The following FLYWCH1 variants were observed in gnomAD, a reference collection of about 807,000 sequenced individuals.
The protein encoded by FLYWCH1 is FLYWCH-type zinc finger 1.
A neutral mutation model predicts 66.4 loss-of-function variants in FLYWCH1; 75 were observed. The ratio of observed to expected loss-of-function variants is 1.13; its 90% CI spans 0.94 to 1.37. FLYWCH1 has a LOEUF of 1.37. FLYWCH1 is among the 40% of genes most tolerant of loss of function. The pLI, the probability that FLYWCH1 is intolerant of heterozygous loss-of-function variation, is 0.00. For missense variants in FLYWCH1, 1,334 were observed against 1,001.8 expected (o/e 1.33, Z -4.48); for synonymous variants, 595 against 429.9 (o/e 1.38, Z -4.75).
At chr16:2,927,348 C>T (rs1018080282) in intron 2 of FLYWCH1, among the ~76,000 whole-genome samples, 1 of 152,154 alleles carries the variant, frequency 6.6e-6, no homozygotes, top group South Asian at 2.1e-4. Context: ...GGAAGGGGCT[C>T]CAGCAGGAGC....
chr16:2,934,359 T>G (rs1269049352), intron 6 of FLYWCH1, among the ~76,000 whole-genome samples: 4 of 152,196 alleles, frequency 2.6e-5, no homozygotes, highest in South Asian at 2.1e-4. Context: ...GGTTAAGGAT[T>G]GAGGAGGTGA....
Position 2,929,914 on chromosome 16 carries a change from G to A in FLYWCH1, c.229G>A (p.Ala77Thr), listed in dbSNP as rs371083797. ...SLEMAGPATL[A>T]STLQILPVEE... ...GGAGATGGCTGGCCCCGCCACCCTCGCCAGCACCTTGCAGATCCTGCCAGT... is the reference window on the plus strand; with the variant it reads ...GGAGATGGCTGGCCCCGCCACCCTCACCAGCACCTTGCAGATCCTGCCAGT... Residue 77 changes from alanine to threonine, a missense_variant, in exon 3 of 10, where the codon GCC becomes ACC. Transcript: ENST00000253928. 8.0e-5 allele frequency: 129 copies of A among 1,613,552 alleles called. No individual in the cohort carries two copies. Among genetic ancestry groups the A allele is most frequent in the Non-Finnish European group, 1.0e-4 (120 of 1,179,850 alleles).
intron 8 of FLYWCH1, 73 bp from the exon 9 acceptor site, chr16:2,939,957 GGT>G: frequency 1.3e-6 from 2 of 1,523,744 alleles, no homozygotes; most frequent in Non-Finnish European, 1.8e-6. Flanking sequence ...TCGTTAACAA[GGT>G]GTGTGTCCTT....
At chr16:2,945,773 A>G (rs771353101) in intron 9 of FLYWCH1, among the ~76,000 whole-genome samples, 16 of 152,182 alleles carry the variant, frequency 1.1e-4, no homozygotes, top group East Asian at 3.9e-4. Flanking sequence ...CAAGGTGGGC[A>G]GATCATGAGA....
At chr16:2,934,227 G>T (rs2070901586) in intron 6 of FLYWCH1, among the ~76,000 whole-genome samples, 1 of 152,142 alleles carries the variant, frequency 6.6e-6, no homozygotes, top group African/African-American at 2.4e-5. Flanking sequence ...CAGCAGCAGG[G>T]ATAGACCTCC....
Position 2,918,438 on chromosome 16 carries a change from C to T in FLYWCH1, c.-74+4149C>T, listed in dbSNP as rs533354284. On this transcript the variant is annotated intron_variant, in intron 2 of 9. Transcript: ENST00000253928. The stretch of plus-strand genomic sequence containing the variant: ...CTGGGATTACAGGCGTGAGCCACCG[C>T]GCCAGGCTTTTTTTTTTTTGAGAGG... 9.8e-4 allele frequency among the ~76,000 whole-genome samples: 145 copies of T among 148,664 alleles called. 1 individual carries two copies. Among genetic ancestry groups the T allele is most frequent in the African/African-American group, 3.4e-3 (135 of 40,234 alleles).
intron 6 of FLYWCH1, chr16:2,936,259 T>C (rs766785239): frequency 2.6e-6 from 1 of 383,952 alleles, no homozygotes; most frequent in Non-Finnish European, 5.2e-6. Context: ...GCGTGCCCCA[T>C]GGTCACACCA....
rs754123279 is a variant in FLYWCH1, at chr16:2,929,786, G to A, written c.101G>A (p.Arg34Lys). ...PGTDVIPAAP[R>K]KPREFSKLVL... ...ACGGACGTCATCCCGGCAGCCCCCA[G>A]GAAGCCCAGGGAGTTCTCCAAACTG... Residue 34 changes from arginine to lysine, a missense_variant, in exon 3 of 10, where the codon AGG becomes AAG. Transcript: ENST00000253928. 1 of 1,613,922 alleles carries A rather than the reference G, an allele frequency of 6.2e-7. No individual in the cohort carries two copies. The highest frequency in any genetic ancestry group is 2.2e-5 in the East Asian group (1 of 44,882).
At chr16:2,932,453 G>T (rs533932270) in intron 4 of FLYWCH1, among the ~76,000 whole-genome samples, 1 of 152,024 alleles carries the variant, frequency 6.6e-6, no homozygotes, top group African/African-American at 2.4e-5. Context: ...TGTGTAAATT[G>T]CACATTTGGG....
At chr16:2,925,561 G>A (rs1371244053) in intron 2 of FLYWCH1, among the ~76,000 whole-genome samples, 1 of 142,030 alleles carries the variant, frequency 7.0e-6, no homozygotes, top group Non-Finnish European at 1.5e-5. Flanking sequence ...CGCGCGCGGG[G>A]TAGGGGGAGT....
At position 2,938,308 on chromosome 16, in the gene FLYWCH1, G is replaced by A. The variant is rs2071105495; in HGVS notation, c.1902G>A (p.Gln634=). 1 of 1,608,954 alleles carries A rather than the reference G, an allele frequency of 6.2e-7. No individual in the cohort carries two copies. Among genetic ancestry groups the A allele is most frequent in the Non-Finnish European group, 8.5e-7 (1 of 1,178,066 alleles). The change falls in exon 8 of 10, where the codon CAG becomes CAA. Residue 634 remains glutamine (Q), a synonymous_variant. Transcript: ENST00000253928. ...GEKVYWMCRD[Q]ARLGCRSRAI... ...AGGTGTACTGGATGTGCCGGGACCA[G>A]GCTCGGCTGGGCTGCCGCAGCCGCG...
intron 6 of FLYWCH1, among the ~76,000 whole-genome samples, chr16:2,934,361 A>G (rs545606860): frequency 1.3e-5 from 2 of 152,272 alleles, no homozygotes; most frequent in Admixed American, 6.5e-5. Flanking sequence ...TTAAGGATTG[A>G]GGAGGTGATA....
At chr16:2,939,505 G>C (rs1406791745) in intron 8 of FLYWCH1, among the ~76,000 whole-genome samples, 7 of 75,710 alleles carry the variant, frequency 9.2e-5, no homozygotes, top group African/African-American at 3.0e-4. Flanking sequence ...GTGAAACCTT[G>C]AAAGAAAACA....
chr16:2,942,295 G>A (rs1304893795), intron 9 of FLYWCH1, among the ~76,000 whole-genome samples: 2 of 151,868 alleles, frequency 1.3e-5, no homozygotes, highest in African/African-American at 4.8e-5. Flanking sequence ...CTACATGCAC[G>A]CACCACCACG....
At chr16:2,934,492 C>A in intron 6 of FLYWCH1, 1 of 374,146 alleles carries the variant, frequency 2.7e-6, no homozygotes, top group South Asian at 2.0e-5. Context: ...ACGGTCGGCC[C>A]CCCGCAGTGC....
rs373503381 is a variant in FLYWCH1, at chr16:2,933,139, G to A, written c.806G>A (p.Arg269Gln). 326 of 1,612,318 alleles carry A rather than the reference G, an allele frequency of 2.0e-4. No individual in the cohort carries two copies. The highest frequency in any genetic ancestry group is 2.4e-4 in the Non-Finnish European group (285 of 1,179,306). ...TGGGTCTCTCCTCTAGGACAGGCCC[G>A]GCCCCTCGAGTTCCTGAGGACGTGC... The part of the protein sequence containing the change: ...KRSILGLGQA[R>Q]PLEFLRTCYG... Residue 269 changes from arginine (R) to glutamine (Q), a missense_variant, in exon 5 of 10, where the codon CGG becomes CAG. By Grantham distance (43) the Arg-to-Gln change is conservative. Coordinates refer to ENST00000253928, the MANE Select transcript of FLYWCH1 (RefSeq NM_001308068.2).
At chr16:2,913,605 G>T (rs1027302849) in intron 1 of FLYWCH1, among the ~76,000 whole-genome samples, 1 of 152,188 alleles carries the variant, frequency 6.6e-6, no homozygotes, top group Admixed American at 6.5e-5. Flanking sequence ...GAACAGGACA[G>T]CCTCCCACAG....
chr16:2,912,259 G>C (rs1232272387), intron 1 of FLYWCH1, 105 bp downstream of exon 1: 2 of 152,276 alleles, frequency 1.3e-5, no homozygotes, highest in Non-Finnish European at 2.9e-5. Context: ...TGCTGGGGAG[G>C]GGTCTGCGTC....
intron 9 of FLYWCH1, among the ~76,000 whole-genome samples, chr16:2,942,507 A>G (rs2071309680): frequency 6.6e-6 from 1 of 152,158 alleles, no homozygotes; most frequent in African/African-American, 2.4e-5. Context: ...AGGAATCACA[A>G]AGAGAAAACT....
Sources: allele counts gnomAD v4.1 joint callset (sites outside exome capture counted in the v4.1 genomes callset), GRCh38; gene constraint gnomAD v4.1.1; transcripts MANE v1.5; gene names NCBI Gene and HGNC (gene_info 2026-07-23, HGNC 2026-07-21).